GRID2: variants seen among roughly 807,000 people sequenced by gnomAD.
The protein encoded by GRID2 is glutamate receptor ionotropic, delta-2.
In GRID2, 33 loss-of-function variants were observed where a neutral mutation model predicts 114.8. The ratio of observed to expected loss-of-function variants is 0.29; its 90% CI spans 0.22 to 0.38. GRID2 has a LOEUF of 0.38. Among genes scored for constraint, GRID2 ranks in the 10% least tolerant of loss-of-function variants. The pLI is 1.00. For missense variants in GRID2, 1,184 were observed against 1,257.7 expected (o/e 0.94, Z 0.89); for synonymous variants, 505 against 449.9 (o/e 1.12, Z -1.55).
chr4:93,554,516 T>C (rs928022440), intron 13 of GRID2, among the ~76,000 whole-genome samples: 13 of 152,190 alleles, frequency 8.5e-5, no homozygotes, highest in African/African-American at 3.1e-4. Flanking sequence ...TGACACAAGA[T>C]ATAATGTGTA....
chr4:93,029,095 G>A (rs1043646363), intron 2 of GRID2, among the ~76,000 whole-genome samples: 2 of 151,858 alleles, frequency 1.3e-5, no homozygotes, highest in Non-Finnish European at 2.9e-5. Context: ...ACATGGAGAG[G>A]GAAGCATTTT....
At chr4:93,429,931 G>C (rs1224661181) in intron 10 of GRID2, among the ~76,000 whole-genome samples, 1 of 152,046 alleles carries the variant, frequency 6.6e-6, no homozygotes. Context: ...AGTATAATAA[G>C]ATACTATTTA....
chr4:93,142,015 G>C (rs1020614081), intron 4 of GRID2, among the ~76,000 whole-genome samples: 2 of 152,152 alleles, frequency 1.3e-5, no homozygotes, highest in African/African-American at 4.8e-5. Flanking sequence ...TGGGCAGCCA[G>C]ACCAGCCTGG....
chr4:92,728,806 GGAAT>G (rs1182346054), intron 2 of GRID2, among the ~76,000 whole-genome samples: 1 of 151,816 alleles, frequency 6.6e-6, no homozygotes, highest in Non-Finnish European at 1.5e-5. Flanking sequence ...AGAAATATGA[GGAAT>G]GATAATATGG....
In GRID2 at chr4:92,762,163, T is replaced by G. The variant is rs192044808; in HGVS notation, c.244+171877T>G. On this transcript the variant is annotated intron_variant, in intron 2 of 15. Coordinates refer to ENST00000282020, the MANE Select transcript of GRID2 (RefSeq NM_001510.4). ...CTCCTGAACTCATGATCCACCCCCC[T>G]CAGCCTCCCAAAGTGCTGAGATTAC... is the stretch of plus-strand genomic sequence containing the variant. Among the ~76,000 whole-genome samples, 48 of 152,198 alleles carry G rather than the reference T, an allele frequency of 3.2e-4. 1 individual carries two copies. The highest frequency in any genetic ancestry group is 3.4e-3 in the Middle Eastern group (1 of 294).
chr4:92,317,559 C>A (rs1168109914), intron 1 of GRID2, among the ~76,000 whole-genome samples: 3 of 152,074 alleles, frequency 2.0e-5, no homozygotes, highest in Admixed American at 6.6e-5. Flanking sequence ...CCTGTCTACC[C>A]TTCAGTGGCA....
intron 2 of GRID2, among the ~76,000 whole-genome samples, chr4:92,882,235 T>C (rs1339345014): frequency 6.6e-6 from 1 of 152,208 alleles, no homozygotes; most frequent in Non-Finnish European, 1.5e-5. Flanking sequence ...TCAGAAGCTG[T>C]GAACGCTGCA....
At chr4:92,645,167 G>A (rs1480200270) in intron 2 of GRID2, among the ~76,000 whole-genome samples, 3 of 151,326 alleles carry the variant, frequency 2.0e-5, no homozygotes, top group African/African-American at 7.3e-5. Context: ...TGAAGCATTT[G>A]TTTTAAAAGG....
At chr4:93,284,533 A>G (rs1469072417) in intron 8 of GRID2, among the ~76,000 whole-genome samples, 1 of 151,804 alleles carries the variant, frequency 6.6e-6, no homozygotes, top group Non-Finnish European at 1.5e-5. Flanking sequence ...TAATTAAAAT[A>G]TATAATAAAT....
At chr4:92,863,582 T>C (rs780974118) in intron 2 of GRID2, among the ~76,000 whole-genome samples, 4 of 152,110 alleles carry the variant, frequency 2.6e-5, no homozygotes, top group Admixed American at 6.6e-5. Flanking sequence ...TTTTAACCAG[T>C]AGGGTAAGTA....
At chr4:93,564,351 G>A (rs1272542791) in intron 13 of GRID2, among the ~76,000 whole-genome samples, 1 of 151,756 alleles carries the variant, frequency 6.6e-6, no homozygotes, top group African/African-American at 2.4e-5. Flanking sequence ...TTTCTCAGAT[G>A]TTCTTAGCTT....
chr4:93,143,791 A>T (rs1254289266), intron 4 of GRID2, among the ~76,000 whole-genome samples: 1 of 152,218 alleles, frequency 6.6e-6, no homozygotes, highest in East Asian at 1.9e-4. Context: ...TTATTCTAAC[A>T]TCTAAACACA....
chr4:93,501,584 T>C (rs1345347558), intron 12 of GRID2, among the ~76,000 whole-genome samples: 3 of 147,408 alleles, frequency 2.0e-5, no homozygotes, highest in Non-Finnish European at 4.6e-5. Flanking sequence ...CTCGATGTCA[T>C]AGACAGAATT....
intron 2 of GRID2, among the ~76,000 whole-genome samples, chr4:92,643,227 C>G (rs543759150): frequency 6.6e-6 from 1 of 151,740 alleles, no homozygotes; most frequent in East Asian, 2.0e-4. Flanking sequence ...TCTTCTAATC[C>G]ATGAACATGG....
chr4:93,123,375 A>T (rs568529379), intron 4 of GRID2, among the ~76,000 whole-genome samples: 2 of 152,222 alleles, frequency 1.3e-5, no homozygotes, highest in Non-Finnish European at 2.9e-5. Flanking sequence ...TTGTACCATT[A>T]TTTTAAATAT....
chr4:92,794,905 T>TACACACACACACAC (rs1553928475), intron 2 of GRID2, among the ~76,000 whole-genome samples: 1 of 127,816 alleles, frequency 7.8e-6, no homozygotes, highest in African/African-American at 3.1e-5. Context: ...TATATATATA[T>TACACACACACACAC]ACACACACAC....
chr4:93,702,877 T>G (rs1332388464), intron 14 of GRID2, among the ~76,000 whole-genome samples: 1 of 151,998 alleles, frequency 6.6e-6, no homozygotes, highest in Non-Finnish European at 1.5e-5. Context: ...ACATAATATC[T>G]CAATTGGGAG....
intron 2 of GRID2, among the ~76,000 whole-genome samples, chr4:92,644,206 G>A (rs1305217795): frequency 6.6e-6 from 1 of 151,638 alleles, no homozygotes. Context: ...AAGTATTGTA[G>A]CCATGATGTA....
intron 2 of GRID2, among the ~76,000 whole-genome samples, chr4:92,924,252 G>A (rs1429734775): frequency 2.6e-5 from 4 of 152,126 alleles, no homozygotes; most frequent in African/African-American, 7.2e-5. Flanking sequence ...ACTGTTGTGT[G>A]TTGGGAGGAG....
Sources: gnomAD v4.1 joint callset for allele counts (sites outside exome capture counted in the v4.1 genomes callset) on GRCh38, gnomAD v4.1.1 for gene constraint, MANE v1.5 for transcripts, NCBI Gene and HGNC (gene_info 2026-07-23, HGNC 2026-07-21) for gene names.